FARS2: variants seen among roughly 807,000 people sequenced by gnomAD.
FARS2 encodes the protein phenylalanyl-tRNA synthetase 2, mitochondrial.
Under a neutral mutation model 46.4 loss-of-function variants are expected in FARS2, and 40 were observed. The observed-to-expected ratio is 0.86, with a 90% CI of 0.67 to 1.12. The LOEUF (loss-of-function observed/expected upper bound fraction) is 1.12, where lower values mean the gene tolerates loss of function less well. Ranked by LOEUF, FARS2 falls within the 50% of genes most tolerant of loss-of-function variation. FARS2 has a pLI of 0.00. For synonymous variants in FARS2, 234 were observed against 214.9 expected (o/e 1.09, Z -0.78); for missense variants, 513 against 567.9 (o/e 0.90, Z 0.98).
At position 5,562,836 on chromosome 6, in the gene FARS2, G is replaced by A. The variant is rs114354111; in HGVS notation, c.1065+17496G>A. Among the ~76,000 whole-genome samples the A allele has an allele frequency of 4.5e-3, 611 of 134,836 alleles. 7 individuals are homozygous for A. The highest frequency in any genetic ancestry group is 0.02 in the Middle Eastern group (5 of 250). The allele number at this position is 134,836 out of a possible 152,430, so 88.5% of individuals were successfully genotyped here. A position where few individuals can be genotyped will look rare whatever the true frequency, so the allele number is the denominator to read the frequency against. On this transcript the variant is annotated intron_variant, in intron 5 of 6. Coordinates refer to ENST00000274680, the MANE Select transcript of FARS2 (RefSeq NM_006567.5). ...TTTTTTTTTTTTAAGATGGAGTTTC[G>A]CTCATCGCCCAGGCCGGAGTGCAAT...
At chr6:5,712,571 C>T (rs1266243539) in intron 6 of FARS2, among the ~76,000 whole-genome samples, 1 of 152,244 alleles carries the variant, frequency 6.6e-6, no homozygotes, top group Non-Finnish European at 1.5e-5. Context: ...TCCTGTTTCT[C>T]ATGTGAGACA....
intron 1 of FARS2, among the ~76,000 whole-genome samples, chr6:5,284,333 A>T (rs1766964081): frequency 6.6e-6 from 1 of 152,162 alleles, no homozygotes; most frequent in Non-Finnish European, 1.5e-5. Context: ...CTATTTTATT[A>T]AAAGTTTATT....
intron 5 of FARS2, among the ~76,000 whole-genome samples, chr6:5,601,244 G>A (rs747161200): frequency 1.6e-4 from 24 of 152,128 alleles, no homozygotes; most frequent in African/African-American, 4.3e-4. Flanking sequence ...CCTTGGGGCC[G>A]GGCTCGGTGG....
At chr6:5,393,932 G>T (rs1760738195) in intron 2 of FARS2, among the ~76,000 whole-genome samples, 2 of 152,228 alleles carry the variant, frequency 1.3e-5, no homozygotes, top group South Asian at 4.1e-4. Context: ...GACTGAAAAT[G>T]TGTTGGCTTT....
intron 1 of FARS2, among the ~76,000 whole-genome samples, chr6:5,319,639 ACT>A (rs1769823631): frequency 6.6e-6 from 1 of 151,748 alleles, no homozygotes; most frequent in Non-Finnish European, 1.5e-5. Context: ...AACTTAATAA[ACT>A]CTCACTCCTG....
Position 5,613,233 on chromosome 6 carries a change from C to G in FARS2, c.1130C>G (p.Ala377Gly). The change falls in exon 6 of 7, where the codon GCA becomes GGA. Residue 377 changes from alanine to glycine, a missense_variant. Coordinates refer to ENST00000274680, the MANE Select transcript of FARS2 (RefSeq NM_006567.5). Reference sequence around the variant, plus strand: ...TTCTGGTTGCCCTCTGAGAATTACGCAGAAAATGATTTCTATGACTTAGTC... The same window carrying G: ...TTCTGGTTGCCCTCTGAGAATTACGGAGAAAATGATTTCTATGACTTAGTC... ...ISFWLPSENY[A>G]ENDFYDLVRT... 1.2e-6 allele frequency: 2 copies of G among 1,613,064 alleles called. No homozygotes were observed. The highest frequency in any genetic ancestry group is 1.7e-6 in the Non-Finnish European group (2 of 1,179,268).
At chr6:5,564,156 C>T (rs1426267892) in intron 5 of FARS2, among the ~76,000 whole-genome samples, 1 of 152,170 alleles carries the variant, frequency 6.6e-6, no homozygotes, top group African/African-American at 2.4e-5. Context: ...GAAGGTGCTA[C>T]CCTGTATAAC....
At chr6:5,270,026 G>A (rs1284584846) in intron 1 of FARS2, among the ~76,000 whole-genome samples, 1 of 152,206 alleles carries the variant, frequency 6.6e-6, no homozygotes, top group Non-Finnish European at 1.5e-5. Flanking sequence ...CCTGGCTTCT[G>A]TGAAATGGAT....
intron 6 of FARS2, among the ~76,000 whole-genome samples, chr6:5,754,611 G>A (rs1441645292): frequency 1.3e-5 from 2 of 152,208 alleles, no homozygotes; most frequent in Non-Finnish European, 1.5e-5. Context: ...TCAAAGGTAT[G>A]TGAGTTGCAG....
At chr6:5,323,350 A>G (rs1770120111) in intron 1 of FARS2, among the ~76,000 whole-genome samples, 1 of 152,204 alleles carries the variant, frequency 6.6e-6, no homozygotes, top group African/African-American at 2.4e-5. Context: ...GGAGGATAAT[A>G]GTGCATAAAC....
chr6:5,255,609 A>G, the FARS2 span, among the ~76,000 whole-genome samples: 3 of 152,346 alleles, frequency 2.0e-5, no homozygotes, highest in East Asian at 5.8e-4. Context: ...TTGAAGAACC[A>G]CATTCTTAAA....
intron 5 of FARS2, among the ~76,000 whole-genome samples, chr6:5,607,737 T>C (rs941035116): frequency 6.6e-6 from 1 of 152,144 alleles, no homozygotes; most frequent in Non-Finnish European, 1.5e-5. Flanking sequence ...TATACTAGTC[T>C]TGATTAACAA....
intron 1 of FARS2, among the ~76,000 whole-genome samples, chr6:5,299,264 C>T (rs1055997113): frequency 2.0e-5 from 3 of 152,342 alleles, no homozygotes; most frequent in Non-Finnish European, 4.4e-5. Flanking sequence ...GTCATCTCCT[C>T]TGGCGAACAT....
intron 4 of FARS2, chr6:5,466,991 A>G (rs1765551193): frequency 4.1e-6 from 4 of 985,264 alleles, no homozygotes; most frequent in Non-Finnish European, 4.8e-6. Context: ...CAGTTCGTGC[A>G]ACAGATGTCC....
intron 6 of FARS2, among the ~76,000 whole-genome samples, chr6:5,643,294 A>C (rs1017840275): frequency 6.6e-6 from 1 of 152,166 alleles, no homozygotes; most frequent in South Asian, 2.1e-4. Context: ...ACGATTTCTA[A>C]TCAATGAGCG....
chr6:5,610,178 A>T (rs1775090782), intron 5 of FARS2: 1 of 871,234 alleles, frequency 1.1e-6, no homozygotes, highest in Non-Finnish European at 1.8e-6. Flanking sequence ...CGGGCTCTTT[A>T]GGAGACTCTG....
At chr6:5,615,123 T>C (rs935434849) in intron 6 of FARS2, among the ~76,000 whole-genome samples, 8 of 152,230 alleles carry the variant, frequency 5.3e-5, no homozygotes, top group Non-Finnish European at 1.0e-4. Context: ...TCATTGTGTT[T>C]CACAAATTGG....
At chr6:5,525,802 A>G (rs1769428291) in intron 4 of FARS2, among the ~76,000 whole-genome samples, 1 of 152,224 alleles carries the variant, frequency 6.6e-6, no homozygotes, top group South Asian at 2.1e-4. Context: ...TATAGAGGCC[A>G]CTGAATTTTG....
chr6:5,746,909 T>G (rs541406311), intron 6 of FARS2, among the ~76,000 whole-genome samples: 96 of 152,278 alleles, frequency 6.3e-4, no homozygotes, highest in Non-Finnish European at 9.8e-4. Context: ...GGGAAACATA[T>G]GTAGGACCTT....
Sources: allele counts gnomAD v4.1 joint callset (sites outside exome capture counted in the v4.1 genomes callset), GRCh38; gene constraint gnomAD v4.1.1; transcripts MANE v1.5; gene names NCBI Gene and HGNC (gene_info 2026-07-23, HGNC 2026-07-21).